ANKRD30B: variants seen among roughly 807,000 people sequenced by gnomAD.
ANKRD30B encodes ankyrin repeat domain-containing protein 30B.
A neutral mutation model predicts 202.2 loss-of-function variants in ANKRD30B; 144 were observed. That is an observed-to-expected ratio of 0.71 (90% CI 0.62 to 0.82). The LOEUF is 0.82. Among genes scored for constraint, ANKRD30B ranks in the 40% least tolerant of loss-of-function variants. The pLI is 0.00. For synonymous variants in ANKRD30B, 508 were observed against 561.3 expected, an observed-to-expected ratio of 0.91 and a Z score of 1.34; for missense variants, 1,487 against 1,669.1, an observed-to-expected ratio of 0.89 and a Z score of 1.90.
chr18:14,755,417 C>CT (rs1303366135), intron 4 of ANKRD30B, among the ~76,000 whole-genome samples: 1 of 151,542 alleles, frequency 6.6e-6, no homozygotes, highest in East Asian at 1.9e-4. Context: ...TATTATTATA[C>CT]TTTTAAGTTT....
intron 22 of ANKRD30B, among the ~76,000 whole-genome samples, chr18:14,799,719 T>C (rs1357430688): frequency 6.6e-6 from 1 of 152,020 alleles, no homozygotes; most frequent in African/African-American, 2.4e-5. Flanking sequence ...AAAATCAGTT[T>C]CTTGTTTTTC....
chr18:14,903,670 C>G, the ANKRD30B span: 1 of 152,184 alleles, frequency 6.6e-6, no homozygotes, highest in African/African-American at 2.4e-5. Flanking sequence ...GTCTTTAATT[C>G]AAAATGCACG....
At chr18:14,831,181 G>GGAAAAA (rs1267118242) in intron 33 of ANKRD30B, among the ~76,000 whole-genome samples, 52 of 52,344 alleles carry the variant, frequency 9.9e-4, no homozygotes, top group Middle Eastern at 0.023. Flanking sequence ...CTCCGTCTCG[G>GGAAAAA]AAAAAAAAAA....
At chr18:14,866,844 C>T in the ANKRD30B span, among the ~76,000 whole-genome samples, 1,777 of 151,938 alleles carry the variant, frequency 0.012, 40 homozygotes, top group African/African-American at 0.04. Context: ...AGGTTGTGTG[C>T]GCTGTCGTGC....
At chr18:14,856,534 T>G (rs1298580797), downstream of ANKRD30B, among the ~76,000 whole-genome samples, 2 of 102,996 alleles carry the variant, frequency 1.9e-5, no homozygotes, top group African/African-American at 3.5e-5. Context: ...TCCCAGATGA[T>G]GGGCAGCCAG....
At chr18:14,841,311 G>A (rs1175856133) in intron 37 of ANKRD30B, among the ~76,000 whole-genome samples, 1 of 152,144 alleles carries the variant, frequency 6.6e-6, no homozygotes, top group African/African-American at 2.4e-5. Context: ...AACAATGCAC[G>A]CTGTGACTCA....
At chr18:14,778,882 G>T (rs1309324120) in intron 10 of ANKRD30B, among the ~76,000 whole-genome samples, 5 of 152,158 alleles carry the variant, frequency 3.3e-5, no homozygotes, top group Non-Finnish European at 7.3e-5. Context: ...TCAAGGGAAA[G>T]CATTATATTG....
At position 14,772,194 on chromosome 18, in the gene ANKRD30B, C is replaced by T. The variant is rs926628121; in HGVS notation, c.1295C>T (p.Thr432Ile). ...GTRTIENSQC[T>I]KVEEDFNLAT... is the part of the protein sequence containing the mutation. ...CGGACTATTGAAAATTCACAGTGTA[C>T]AAAAGTTGAGGAAGACTTTAATCTT... The change falls in exon 9 of 44, where the codon ACA becomes ATA. Residue 432 changes from threonine to isoleucine, a missense_variant. Thr to Ile is a moderately conservative substitution (Grantham distance 89, BLOSUM62 -1). Coordinates refer to ENST00000690538, the MANE Select transcript of ANKRD30B (RefSeq NM_001367607.2). 2 of 1,507,338 alleles carry T rather than the reference C, an allele frequency of 1.3e-6. No homozygotes were observed. The highest frequency in any genetic ancestry group is 2.5e-5 in the East Asian group (1 of 39,908). The allele number at this position is 1,507,338 out of a possible 1,614,324, so 93.4% of individuals were successfully genotyped here.
At chr18:14,782,808 C>A (rs796744330) in intron 12 of ANKRD30B, among the ~76,000 whole-genome samples, 194 bp downstream of exon 12, 1 of 130,264 alleles carries the variant, frequency 7.7e-6, no homozygotes. Flanking sequence ...AGAAAAAAAC[C>A]GAATTATTTG....
rs1039034131 is a variant in ANKRD30B at position 14,840,622 on chromosome 18, G to A, written c.3023G>A (p.Cys1008Tyr). Reference protein sequence around the residue: ...ISVSDTQNYECLPEATYQKEI... With the variant: ...ISVSDTQNYEYLPEATYQKEI... ...GTGAGTGATACACAGAATTATGAGT[G>A]TTTACCTGAGGCTACATATCAAAAA... is the stretch of plus-strand genomic sequence containing the variant. The change falls in exon 37 of 44, where the codon TGT (cysteine) becomes TAT (tyrosine). Residue 1008 changes from cysteine to tyrosine, a missense_variant. By Grantham distance (194) the Cys-to-Tyr change is radical (BLOSUM62 -2). This residue lies in a region of ANKRD30B where 218 missense variants were observed against 320.1 expected (regional missense o/e 0.68). Coordinates refer to ENST00000690538, the MANE Select transcript of ANKRD30B (RefSeq NM_001367607.2). 12 of 1,534,512 alleles carry A rather than the reference G, an allele frequency of 7.8e-6. No individual in the cohort carries two copies. The highest frequency in any genetic ancestry group is 4.1e-5 in the African/African-American group (3 of 72,316).
At chr18:14,777,044 C>G (rs1967402319) in intron 9 of ANKRD30B, among the ~76,000 whole-genome samples, 1 of 152,060 alleles carries the variant, frequency 6.6e-6, no homozygotes, top group Non-Finnish European at 1.5e-5. Context: ...TTGAAATGCC[C>G]TATTATTTTT....
the ANKRD30B span, among the ~76,000 whole-genome samples, chr18:14,880,733 C>A: frequency 4.6e-5 from 7 of 151,982 alleles, no homozygotes; most frequent in South Asian, 2.1e-4. Context: ...GCTTGGCTCC[C>A]TCTATGATTT....
chr18:14,815,683 A>T (rs993603912), intron 30 of ANKRD30B, among the ~76,000 whole-genome samples: 2 of 152,222 alleles, frequency 1.3e-5, no homozygotes, highest in Non-Finnish European at 2.9e-5. Flanking sequence ...TTGCTTGAAT[A>T]CCTAAATTGT....
chr18:14,916,967 T>C, the ANKRD30B span, among the ~76,000 whole-genome samples: 2 of 152,116 alleles, frequency 1.3e-5, no homozygotes, highest in Non-Finnish European at 2.9e-5. Flanking sequence ...CGGTCATCAG[T>C]CTCTAAATCC....
At chr18:14,799,744 A>AGT (rs58820145) in intron 22 of ANKRD30B, among the ~76,000 whole-genome samples, 12,885 of 150,372 alleles carry the variant, frequency 0.086, 618 homozygotes, top group Non-Finnish European at 0.1. Context: ...TAGGTGACTG[A>AGT]GTGTGTGTGT....
chr18:14,803,699 C>G, intron 23 of ANKRD30B, 35 bp from the exon 24 acceptor site: 1 of 1,544,676 alleles, frequency 6.5e-7, no homozygotes, highest in Non-Finnish European at 8.8e-7. Flanking sequence ...TGGGATTTCT[C>G]CATTGAAATT....
In ANKRD30B at chr18:14,755,025, T is replaced by C. The variant is rs1914111607; in HGVS notation, c.617+20T>C. ...TAAATGGTATGGTAGTTCTTTTTTT[T>C]TACTAAAAAACACTTGACTAGTGTT... On this transcript the variant is annotated intron_variant, in intron 4 of 43. Transcript: ENST00000690538. 5.8e-6 allele frequency: 8 copies of C among 1,374,048 alleles called. No homozygotes were observed. The highest frequency in any genetic ancestry group is 7.7e-6 in the Non-Finnish European group (8 of 1,042,538). 85.1% of individuals were successfully genotyped at this position (1,374,048 alleles called of 1,614,324 possible).
At chr18:14,883,399 C>CTCTATATA in the ANKRD30B span, 1 of 37,212 alleles carries the variant, frequency 2.7e-5, no homozygotes, top group African/African-American at 1.1e-4. Flanking sequence ...CTCTCTCTCT[C>CTCTATATA]TATATATATA....
At chr18:14,871,758 A>T in the ANKRD30B span, among the ~76,000 whole-genome samples, 1 of 152,140 alleles carries the variant, frequency 6.6e-6, no homozygotes, top group South Asian at 2.1e-4. Context: ...TTAGCCAGCC[A>T]TGGTGGCTAT....
Sources: gnomAD v4.1 joint callset for allele counts (sites outside exome capture counted in the v4.1 genomes callset) on GRCh38, gnomAD v4.1.1 for gene constraint, gnomAD v4.1.1 regional missense constraint, MANE v1.5 for transcripts, NCBI Gene and HGNC (gene_info 2026-07-23, HGNC 2026-07-21) for gene names.